The following CEP164 variants were observed in gnomAD, a reference collection of about 807,000 sequenced individuals.
CEP164 encodes centrosomal protein of 164 kDa.
Under a neutral mutation model 182.7 loss-of-function variants are expected in CEP164, and 162 were observed. The observed-to-expected ratio is 0.89, with a 90% CI of 0.78 to 1.01. The LOEUF (loss-of-function observed/expected upper bound fraction) is 1.01. CEP164 is among the 50% of genes least tolerant of loss of function. CEP164 has a pLI of 0.00. For missense variants in CEP164, 1,735 were observed against 1,790.4 expected (o/e 0.97, Z 0.56); for synonymous variants, 661 against 690.0 (o/e 0.96, Z 0.66).
intron 5 of CEP164, chr11:117,356,663 G>A (rs1165421985): frequency 1.1e-5 from 14 of 1,231,652 alleles, no homozygotes; most frequent in Non-Finnish European, 1.5e-5. Context: ...ACTTGGCAGG[G>A]AGGGAGCAGG....
intron 5 of CEP164, chr11:117,355,976 A>C: frequency 9.0e-7 from 1 of 1,115,764 alleles, no homozygotes; most frequent in South Asian, 2.1e-5. Context: ...TCAGAAGCCT[A>C]GCTTGTCTGG....
intron 1 of CEP164, among the ~76,000 whole-genome samples, chr11:117,330,979 C>G (rs1322916889): frequency 6.6e-6 from 1 of 152,162 alleles, no homozygotes; most frequent in African/African-American, 2.4e-5. Flanking sequence ...TGCTCATTAC[C>G]ACTGCGTAAT....
Position 117,361,977 on chromosome 11 carries a change from T to G in CEP164, c.536T>G (p.Leu179Arg). 1 of 1,578,902 alleles carries G rather than the reference T, an allele frequency of 6.3e-7. No homozygotes were observed. Among genetic ancestry groups the G allele is most frequent in the Non-Finnish European group, 8.6e-7 (1 of 1,167,648 alleles). ...LGSSVESGRQ[L>R]GELMLPSQGL... ...AGCTCAGTGGAGTCTGGACGTCAGC[T>G]TGGAGAACTCATGCTGGTAAGTACG... The change falls in exon 6 of 33, where the codon CTT becomes CGT. Residue 179 changes from leucine to arginine, a missense_variant. By Grantham distance (102) the Leu-to-Arg change is moderately radical. Transcript: ENST00000278935.
chr11:117,346,279 T>C (rs955020227), intron 4 of CEP164, among the ~76,000 whole-genome samples: 7 of 152,052 alleles, frequency 4.6e-5, no homozygotes, highest in African/African-American at 1.4e-4. Context: ...TTTCACTTTT[T>C]TTTTTTTGAG....
chr11:117,361,856 C>A lies in CEP164; in HGVS notation c.415C>A (p.Pro139Thr). Reference sequence around the variant, plus strand: ...ACAGGCCTTGGGTTCCTCATTAGCCCCAGTTCATGTTCCTCTTGGGGGCCT... The same window carrying A: ...ACAGGCCTTGGGTTCCTCATTAGCCACAGTTCATGTTCCTCTTGGGGGCCT... Reference protein sequence around the residue: ...SSLALGSSLAPVHVPLGGLAP... With the variant: ...SSLALGSSLATVHVPLGGLAP... The change falls in exon 6 of 33, where the codon CCA (proline) becomes ACA (threonine). Residue 139 changes from proline (P) to threonine (T), a missense_variant. Transcript: ENST00000278935. 1 of 1,614,192 alleles carries A rather than the reference C, an allele frequency of 6.2e-7. No individual in the cohort carries two copies. The highest frequency in any genetic ancestry group is 8.5e-7 in the Non-Finnish European group (1 of 1,180,042).
chr11:117,373,263 AG>A (rs2135959943), intron 9 of CEP164, among the ~76,000 whole-genome samples: 1 of 151,768 alleles, frequency 6.6e-6, no homozygotes, highest in South Asian at 2.1e-4. Flanking sequence ...GCTACTCGGG[AG>A]GCTGAGGCAG....
rs920845042 is a variant in CEP164 at position 117,409,433 on chromosome 11, T to C, written c.3749-185T>C. 1.1e-5 allele frequency: 7 copies of C among 616,844 alleles called. No homozygotes were observed. Among genetic ancestry groups the C allele is most frequent in the Non-Finnish European group, 2.0e-5 (7 of 355,112 alleles). 38.2% of individuals were successfully genotyped at this position (616,844 alleles called of 1,614,324 possible). On this transcript the variant is annotated intron_variant, in intron 29 of 32. Coordinates refer to ENST00000278935, the MANE Select transcript of CEP164 (RefSeq NM_014956.5). The surrounding 1 kb of genome is among the most constrained non-coding windows in gnomAD (Gnocchi z 4.4). ...TGGAAACCTGTTTCTCATGGCCAGC[T>C]TCTCACTTGCACTGTCTGGAACACA... is the stretch of plus-strand genomic sequence containing the variant.
Position 117,412,267 on chromosome 11 carries a change from T to A in CEP164, c.*99T>A. On this transcript the variant is annotated 3_prime_UTR_variant, in exon 33 of 33. Coordinates refer to ENST00000278935, the MANE Select transcript of CEP164 (RefSeq NM_014956.5). ...TCTTCCATCTGAGAAAGCACCCTCC[T>A]TCCCCCTTTGACTTGCAGGAGCCAC... is the stretch of plus-strand genomic sequence containing the variant. 3.7e-6 allele frequency: 4 copies of A among 1,087,120 alleles called. No individual in the cohort carries two copies. The East Asian group carries it at 1.0e-4, about 28-fold the overall frequency. 67.3% of individuals were successfully genotyped at this position (1,087,120 alleles called of 1,614,324 possible).
At chr11:117,396,023 C>G in intron 24 of CEP164, 31 bp from the exon 25 acceptor site, 1 of 1,613,696 alleles carries the variant, frequency 6.2e-7, no homozygotes, top group Non-Finnish European at 8.5e-7. Context: ...CCAGCCGCTG[C>G]CCTGCCTCTC....
chr11:117,406,451 G>C (rs2046684852), intron 27 of CEP164, among the ~76,000 whole-genome samples: 1 of 152,222 alleles, frequency 6.6e-6, no homozygotes, highest in Non-Finnish European at 1.5e-5. Context: ...TGAGATTTGT[G>C]TGGAGACACA....
chr11:117,376,313 G>A (rs1219665732), intron 11 of CEP164, among the ~76,000 whole-genome samples: 4 of 152,106 alleles, frequency 2.6e-5, no homozygotes, highest in Admixed American at 6.6e-5. Context: ...TCTTTGCTCC[G>A]TTTAGTCACT....
At position 117,397,178 on chromosome 11, in the gene CEP164, C is replaced by T. The variant is rs1213372963; in HGVS notation, c.3366C>T (p.Arg1122=). The stretch of plus-strand genomic sequence containing the variant: ...AGGAGTTCCTTGTGCAGCAGACACG[C>T]TCCATGCGGAGGCGGCAGACAGCTC... ...SAKEFLVQQT[R]SMRRRQTALK... is the part of the protein sequence containing the mutation. The change falls in exon 27 of 33, where the codon CGC becomes CGT. Residue 1122 remains arginine (R), a synonymous_variant. Coordinates refer to ENST00000278935, the MANE Select transcript of CEP164 (RefSeq NM_014956.5). 1 of 1,614,176 alleles carries T rather than the reference C, an allele frequency of 6.2e-7. No individual in the cohort carries two copies. Among genetic ancestry groups the T allele is most frequent in the Admixed American group, 1.7e-5 (1 of 60,034 alleles).
At position 117,391,234 on chromosome 11, in the gene CEP164, G is replaced by T; in HGVS notation, c.2283+19G>T. ...GAAAGAAGTGAGCTAGTCAAGTGGG[G>T]ACCTCACCCTCTGACCTGTGTCTGG... On this transcript the variant is annotated intron_variant, in intron 17 of 32. Transcript: ENST00000278935. 6.3e-7 allele frequency: 1 copy of T among 1,591,370 alleles called. No homozygotes were observed. The highest frequency in any genetic ancestry group is 8.6e-7 in the Non-Finnish European group (1 of 1,169,490).
At chr11:117,402,362 A>G (rs187032907) in intron 27 of CEP164, among the ~76,000 whole-genome samples, 9 of 152,064 alleles carry the variant, frequency 5.9e-5, no homozygotes, top group South Asian at 2.1e-4. Flanking sequence ...CTGGGATTAC[A>G]GGTGTGTGCC....
chr11:117,385,950 C>T (rs2043899179), intron 14 of CEP164: 5 of 152,192 alleles, frequency 3.3e-5, no homozygotes, highest in Admixed American at 3.3e-4. Flanking sequence ...CAATGGGATT[C>T]GTAAGCCCTT....
chr11:117,362,082 TAGAC>T lies in CEP164; in HGVS notation c.552+93_552+96del, dbSNP rs1432874904. 83 of 1,280,390 alleles carry T rather than the reference TAGAC, an allele frequency of 6.5e-5. No individual in the cohort carries two copies. The African/African-American group carries it at 1.1e-3, about 17-fold the overall frequency. 79.3% of individuals were successfully genotyped at this position (1,280,390 alleles called of 1,614,324 possible). A position where few individuals can be genotyped will look rare whatever the true frequency, so the allele number is the denominator to read the frequency against. On this transcript the variant is annotated intron_variant, in intron 6 of 32. Coordinates refer to ENST00000278935, the MANE Select transcript of CEP164 (RefSeq NM_014956.5). ...GGAACTATGGCCTAGGGGTGAGAAA[TAGAC>T]AGAATCGGTGGAGTCCTCAGAGTTC...
rs911899663 is a variant in CEP164 at position 117,409,483 on chromosome 11, T to G, written c.3749-135T>G. The G allele has an allele frequency of 2.6e-6, 2 of 771,808 alleles. No individual in the cohort carries two copies. Among genetic ancestry groups the G allele is most frequent in the Non-Finnish European group, 4.3e-6 (2 of 470,586 alleles). The allele number at this position is 771,808 out of a possible 1,614,324, so 47.8% of individuals were successfully genotyped here. A position where few individuals can be genotyped will look rare whatever the true frequency, so the allele number is the denominator to read the frequency against. The stretch of plus-strand genomic sequence containing the variant: ...AGAAGCCCTGCCATCCCTGACCCCC[T>G]CATAAGGTTGAGGGGCTGTTGTCTG... On this transcript the variant is annotated intron_variant, in intron 29 of 32. Coordinates refer to ENST00000278935, the MANE Select transcript of CEP164 (RefSeq NM_014956.5). This position sits in a 1 kb window ranked among gnomAD's most constrained non-coding sequence, Gnocchi z 4.4.
chr11:117,393,779 T>C (rs2045045464), intron 20 of CEP164, among the ~76,000 whole-genome samples: 1 of 152,144 alleles, frequency 6.6e-6, no homozygotes, highest in Admixed American at 6.5e-5. Flanking sequence ...CCTTTGGTCT[T>C]AAGGTAGGAA....
rs917140314 is a variant in CEP164 at position 117,380,649 on chromosome 11, C to T, written c.1353C>T (p.Asp451=). ...QQPLGIEDKD[D]SQSSQDELQS... is the part of the protein sequence containing the mutation. The stretch of plus-strand genomic sequence containing the variant: ...CACTGGGAATAGAAGACAAGGATGA[C>T]AGCCAGTCCAGCCAAGATGAGCTGC... The change falls in exon 12 of 33, where the codon GAC becomes GAT. Residue 451 remains aspartate (D), a synonymous_variant. Coordinates refer to ENST00000278935, the MANE Select transcript of CEP164 (RefSeq NM_014956.5). 2 of 1,607,684 alleles carry T rather than the reference C, an allele frequency of 1.2e-6. No homozygotes were observed. Among genetic ancestry groups the T allele is most frequent in the Non-Finnish European group, 1.7e-6 (2 of 1,177,156 alleles).
Sources: gnomAD v4.1 joint callset for allele counts (sites outside exome capture counted in the v4.1 genomes callset) on GRCh38, gnomAD v4.1.1 for gene constraint, Gnocchi (gnomAD v3.1) non-coding constraint, MANE v1.5 for transcripts, NCBI Gene and HGNC (gene_info 2026-07-23, HGNC 2026-07-21) for gene names.